The following CCDC150 variants were observed in gnomAD, a reference collection of about 807,000 sequenced individuals.
The protein encoded by CCDC150 is coiled-coil domain-containing protein 150.
A neutral mutation model predicts 156.5 loss-of-function variants in CCDC150; 151 were observed. The observed-to-expected ratio is 0.97, with a 90% CI of 0.85 to 1.10. CCDC150 has a LOEUF of 1.10. Ranked by LOEUF, CCDC150 falls within the 50% of genes least tolerant of loss-of-function variation. CCDC150 has a pLI of 0.00. For missense variants in CCDC150, 1,312 were observed against 1,268.1 expected (o/e 1.03, Z -0.53); for synonymous variants, 452 against 429.4 (o/e 1.05, Z -0.65).
At chr2:196,672,298 A>G (rs1255841923) in intron 8 of CCDC150, 47 bp from the exon 9 acceptor site, 2 of 972,676 alleles carry the variant, frequency 2.1e-6, no homozygotes, top group East Asian at 3.0e-5. Context: ...AGGGGTGCAC[A>G]TAGTATCTCT....
In CCDC150 at chr2:196,672,433, CA is replaced by C; in HGVS notation, c.1026del (p.Gln343LysfsTer3). Reference protein sequence around the residue: ...IMSLHEASEKAQVLNDQLTKK... With the variant: ...IMSLHEASEKXQVLNDQLTKK... ...TCTCTTCATGAAGCATCAGAAAAAG[CA>C]CAAGTAAATGCTCATGATTTTGTTA... On this transcript the variant is annotated frameshift_variant, in exon 9 of 28. Transcript: ENST00000389175. LOFTEE classifies it high-confidence loss of function. 2 of 1,484,876 alleles carry C rather than the reference CA, an allele frequency of 1.3e-6. No homozygotes were observed. The highest frequency in any genetic ancestry group is 1.8e-6 in the Non-Finnish European group (2 of 1,112,734). The allele number at this position is 1,484,876 out of a possible 1,614,324, so 92.0% of individuals were successfully genotyped here. A position where few individuals can be genotyped will look rare whatever the true frequency, so the allele number is the denominator to read the frequency against.
Position 196,676,207 on chromosome 2 carries a change from C to G in CCDC150, c.1202C>G (p.Ala401Gly). The G allele has an allele frequency of 6.2e-7, 1 of 1,613,352 alleles. No homozygotes were observed. The highest frequency in any genetic ancestry group is 8.5e-7 in the Non-Finnish European group (1 of 1,179,390). Residue 401 changes from alanine to glycine, a missense_variant, in exon 11 of 28, where the codon GCC becomes GGC. Physicochemically the swap from Ala to Gly is moderately conservative, Grantham distance 60. Coordinates refer to ENST00000389175, the MANE Select transcript of CCDC150 (RefSeq NM_001080539.2). ...EQNLLLDAAH[A>G]SITNELQTVQ... ...AACTTATTGCTGGATGCAGCCCATGCCAGTATCACAAATGAACTACAGACT... is the reference window on the plus strand; with the variant it reads ...AACTTATTGCTGGATGCAGCCCATGGCAGTATCACAAATGAACTACAGACT...
In CCDC150 at chr2:196,676,736, G is replaced by C. The variant is rs770278420; in HGVS notation, c.1440+5G>C. 6.2e-7 allele frequency: 1 copy of C among 1,605,274 alleles called. No individual in the cohort carries two copies. Among genetic ancestry groups the C allele is most frequent in the Admixed American group, 1.7e-5 (1 of 58,970 alleles). ...AAAGAAAGATTTCAGAGGGAGGTAG[G>C]TAGAAGCAAATTTACATTATCTTCT... On this transcript the variant is annotated splice_donor_5th_base_variant and intron_variant, in intron 12 of 27. Transcript: ENST00000389175.
intron 5 of CCDC150, among the ~76,000 whole-genome samples, chr2:196,662,808 C>T (rs1693632068): frequency 6.6e-6 from 1 of 152,136 alleles, no homozygotes. Context: ...CAGTGGTGTA[C>T]ACCTGTGGTC....
intron 22 of CCDC150, 77 bp from the exon 23 acceptor site, chr2:196,729,116 A>G: frequency 7.8e-7 from 1 of 1,282,854 alleles, no homozygotes; most frequent in South Asian, 1.5e-5. Context: ...AAAGATGATA[A>G]AATATAAGGA....
At chr2:196,685,043 A>C (rs868766054) in intron 13 of CCDC150, among the ~76,000 whole-genome samples, 4 of 152,008 alleles carry the variant, frequency 2.6e-5, no homozygotes, top group Non-Finnish European at 4.4e-5. Context: ...TTTGTATTTA[A>C]TATAATTACT....
At chr2:196,711,577 A>C (rs761153091) in intron 15 of CCDC150, among the ~76,000 whole-genome samples, 2 of 152,220 alleles carry the variant, frequency 1.3e-5, no homozygotes, top group Non-Finnish European at 2.9e-5. Flanking sequence ...CCAAAATGAT[A>C]ATTTTCTTTG....
chr2:196,676,255 T>C lies in CCDC150; in HGVS notation c.1250T>C (p.Leu417Pro). 4 of 1,613,430 alleles carry C rather than the reference T, an allele frequency of 2.5e-6. No homozygotes were observed. Among genetic ancestry groups the C allele is most frequent in the Non-Finnish European group, 3.4e-6 (4 of 1,179,602 alleles). Reference sequence around the variant, plus strand: ...ACTGTTCAGAATGAGAAAACCCAACTCCAGGCACATCTGTAAGTAAATTAT... The same window carrying C: ...ACTGTTCAGAATGAGAAAACCCAACCCCAGGCACATCTGTAAGTAAATTAT... The part of the protein sequence containing the change: ...LQTVQNEKTQ[L>P]QAHLDHLILE... Residue 417 changes from leucine (L) to proline (P), a missense_variant, in exon 11 of 28, where the codon CTC (leucine) becomes CCC (proline). Physicochemically the swap from Leu to Pro is moderately conservative, Grantham distance 98. Coordinates refer to ENST00000389175, the MANE Select transcript of CCDC150 (RefSeq NM_001080539.2).
intron 8 of CCDC150, 47 bp downstream of exon 8, chr2:196,669,923 A>G: frequency 7.3e-7 from 1 of 1,373,778 alleles, no homozygotes; most frequent in Non-Finnish European, 1.0e-6. Flanking sequence ...TCCTCTCTTC[A>G]CTAAGTCCTA....
At chr2:196,723,442 G>C (rs1698039261) in intron 21 of CCDC150, among the ~76,000 whole-genome samples, 1 of 152,116 alleles carries the variant, frequency 6.6e-6, no homozygotes, top group Non-Finnish European at 1.5e-5. Flanking sequence ...GTTGCAGTGA[G>C]GTTGCAGTGA....
In CCDC150 at chr2:196,676,163, G is replaced by T. The variant is rs756944211; in HGVS notation, c.1158G>T (p.Thr386=). 1.2e-6 allele frequency: 2 copies of T among 1,613,326 alleles called. No individual in the cohort carries two copies. The highest frequency in any genetic ancestry group is 1.1e-5 in the South Asian group (1 of 91,054). The part of the protein sequence containing the change: ...AILQVEQKMM[T]QTFQEQNLLL... ...CTCAGGTAGAGCAGAAAATGATGAC[G>T]CAGACATTTCAAGAACAAAACTTAT... The change falls in exon 11 of 28, where the codon ACG becomes ACT. Residue 386 remains threonine, a synonymous_variant. Coordinates refer to ENST00000389175, the MANE Select transcript of CCDC150 (RefSeq NM_001080539.2).
chr2:196,669,206 G>C (rs1335382892), intron 7 of CCDC150, among the ~76,000 whole-genome samples: 1 of 152,036 alleles, frequency 6.6e-6, no homozygotes, highest in Admixed American at 6.5e-5. Context: ...ATCTACATTT[G>C]GATGCCTTGC....
intron 6 of CCDC150, 141 bp from the exon 7 acceptor site, chr2:196,666,578 G>A: frequency 1.4e-6 from 1 of 725,542 alleles, no homozygotes; most frequent in South Asian, 2.0e-5. Context: ...ATTCTGTTGA[G>A]ATTTTAACTG....
At chr2:196,664,723 G>A (rs182239623) in intron 5 of CCDC150, among the ~76,000 whole-genome samples, 1 of 152,168 alleles carries the variant, frequency 6.6e-6, no homozygotes, top group Non-Finnish European at 1.5e-5. Context: ...CTCTAGTCAT[G>A]CCTTGATCTT....
intron 2 of CCDC150, 34 bp from the exon 3 acceptor site, chr2:196,656,599 T>A: frequency 7.1e-7 from 1 of 1,414,674 alleles, no homozygotes; most frequent in Non-Finnish European, 9.8e-7. Flanking sequence ...GAAATTGCAT[T>A]GCATAATATT....
At chr2:196,713,790 A>G in intron 17 of CCDC150, 1 of 1,203,360 alleles carries the variant, frequency 8.3e-7, no homozygotes, top group Non-Finnish European at 1.1e-6. Context: ...CAAGGAAATA[A>G]GGTTCTTCAC....
intron 1 of CCDC150, among the ~76,000 whole-genome samples, chr2:196,644,006 C>T (rs973774378): frequency 1.3e-5 from 2 of 152,116 alleles, no homozygotes; most frequent in Non-Finnish European, 2.9e-5. Flanking sequence ...CTTGGCTCTT[C>T]GTTTATATTT....
At chr2:196,690,776 T>G (rs1208792202) in intron 13 of CCDC150, among the ~76,000 whole-genome samples, 1 of 152,240 alleles carries the variant, frequency 6.6e-6, no homozygotes, top group Non-Finnish European at 1.5e-5. Flanking sequence ...CATGCTTGTC[T>G]TGTGCCAGTT....
chr2:196,672,317 A>T, intron 8 of CCDC150, 28 bp from the exon 9 acceptor site: 1 of 1,254,472 alleles, frequency 8.0e-7, no homozygotes, highest in Non-Finnish European at 1.1e-6. Flanking sequence ...CTTATATGTG[A>T]AAAAGAGAGT....
Sources: allele counts gnomAD v4.1 joint callset (sites outside exome capture counted in the v4.1 genomes callset), GRCh38; gene constraint gnomAD v4.1.1; transcripts MANE v1.5; gene names NCBI Gene and HGNC (gene_info 2026-07-23, HGNC 2026-07-21).